GNA11: variants seen among roughly 807,000 people sequenced by gnomAD.
The protein encoded by GNA11 is guanine nucleotide-binding protein subunit alpha-11.
Under a neutral mutation model 38.2 loss-of-function variants are expected in GNA11, and 8 were observed. The observed-to-expected ratio is 0.21, with a 90% CI of 0.12 to 0.38. GNA11 has a LOEUF of 0.38. Among genes scored for constraint, GNA11 ranks in the 10% least tolerant of loss-of-function variants. The pLI is 1.00. For missense variants in GNA11, 268 were observed against 516.3 expected, an observed-to-expected ratio of 0.52 and a Z score of 4.66; for synonymous variants, 211 against 221.4, an observed-to-expected ratio of 0.95 and a Z score of 0.42.
chr19:3,123,887 C>T lies in GNA11; in HGVS notation c.*2708C>T, dbSNP rs2145333330. On this transcript the variant is annotated 3_prime_UTR_variant, in exon 7 of 7. Coordinates refer to ENST00000078429, the MANE Select transcript of GNA11 (RefSeq NM_002067.5). Reference sequence around the variant, plus strand: ...GGGCTGAGGAGCGGCTCAGTGTCACCTCCCACAGCCACCGGCCCTGACCCT... The same window carrying T: ...GGGCTGAGGAGCGGCTCAGTGTCACTTCCCACAGCCACCGGCCCTGACCCT... 1 of 232,598 alleles carries T rather than the reference C, an allele frequency of 4.3e-6. No homozygotes were observed. Among genetic ancestry groups the T allele is most frequent in the Non-Finnish European group, 8.5e-6 (1 of 117,642 alleles). 14.4% of individuals were successfully genotyped at this position (232,598 alleles called of 1,614,324 possible).
At chr19:3,115,191 TC>T in intron 4 of GNA11, 119 bp downstream of exon 4, 1 of 1,209,814 alleles carries the variant, frequency 8.3e-7, no homozygotes, top group Non-Finnish European at 1.2e-6. Flanking sequence ...ATCGCCTGAG[TC>T]CAGGAGTTTG....
intron 3 of GNA11, among the ~76,000 whole-genome samples, chr19:3,114,518 C>T (rs1913856815): frequency 6.6e-6 from 1 of 152,290 alleles, no homozygotes; most frequent in South Asian, 2.1e-4. Flanking sequence ...TCTGCAGCCT[C>T]TGCAGCTGCG....
At chr19:3,106,267 T>C (rs2145311852) in intron 1 of GNA11, among the ~76,000 whole-genome samples, 1 of 152,246 alleles carries the variant, frequency 6.6e-6, no homozygotes, top group Middle Eastern at 3.4e-3. Flanking sequence ...CATTCAGACA[T>C]TGGGTCCACT....
Position 3,116,449 on chromosome 19 carries a change from G to A in GNA11, c.605+1377G>A, listed in dbSNP as rs561801145. Among the ~76,000 whole-genome samples, 486 of 113,320 alleles carry A rather than the reference G, an allele frequency of 4.3e-3. 2 individuals carry two copies. Among genetic ancestry groups the A allele is most frequent in the African/African-American group, 0.015 (453 of 30,568 alleles). The allele number at this position is 113,320 out of a possible 152,430, so 74.3% of individuals were successfully genotyped here. ...CCTCACTCGGCTCCTAGTGGCGGCC[G>A]CATCCTTGGCATCCTTGGCATCCTT... On this transcript the variant is annotated intron_variant, in intron 4 of 6. Transcript: ENST00000078429.
chr19:3,101,802 AATT>A (rs1181268070), intron 1 of GNA11, among the ~76,000 whole-genome samples: 2 of 152,156 alleles, frequency 1.3e-5, no homozygotes, highest in Non-Finnish European at 2.9e-5. Context: ...GGAGCTTAGA[AATT>A]TTGTATGGCC....
intron 3 of GNA11, among the ~76,000 whole-genome samples, chr19:3,114,067 C>T (rs982954486): frequency 1.3e-5 from 2 of 152,132 alleles, no homozygotes; most frequent in Non-Finnish European, 1.5e-5. Flanking sequence ...AGGCAGAGGC[C>T]CCGGCCCTCC....
Position 3,110,342 on chromosome 19 carries a change from G to A in GNA11, c.321+9G>A, listed in dbSNP as rs143987260. ...AGTACGAGCAGAACAAGGTGAGCCC[G>A]CGGGCGCCTGGGGAGGGGAGCGCCT... On this transcript the variant is annotated intron_variant, in intron 2 of 6. Coordinates refer to ENST00000078429, the MANE Select transcript of GNA11 (RefSeq NM_002067.5). This position sits in a 1 kb window ranked among gnomAD's most constrained non-coding sequence, Gnocchi z 5.4. The A allele has an allele frequency of 6.9e-3, 11,093 of 1,603,308 alleles. 50 individuals carry two copies. Among genetic ancestry groups the A allele is most frequent in the Non-Finnish European group, 8.1e-3 (9,460 of 1,171,228 alleles).
chr19:3,098,420 G>A (rs1296654175), intron 1 of GNA11, among the ~76,000 whole-genome samples: 4 of 152,212 alleles, frequency 2.6e-5, no homozygotes, highest in African/African-American at 4.8e-5. Context: ...GGCAGCCCTC[G>A]GCTGTTAGGT....
At chr19:3,098,960 A>T (rs545298142) in intron 1 of GNA11, among the ~76,000 whole-genome samples, 171 of 152,250 alleles carry the variant, frequency 1.1e-3, no homozygotes, top group African/African-American at 3.9e-3. Flanking sequence ...TGGTCCGGGA[A>T]GCTCCGTTCC....
chr19:3,103,547 T>TTTTTTTTTTTTTTC (rs1913559358), intron 1 of GNA11, among the ~76,000 whole-genome samples: 1 of 127,182 alleles, frequency 7.9e-6, no homozygotes, highest in Non-Finnish European at 1.6e-5. Context: ...TTTTTTTTTT[T>TTTTTTTTTTTTTTC]TTTGAGACAA....
chr19:3,100,642 G>A (rs1485757746), intron 1 of GNA11, among the ~76,000 whole-genome samples: 1 of 152,158 alleles, frequency 6.6e-6, no homozygotes, highest in East Asian at 1.9e-4. Context: ...AGGGGTCTCC[G>A]GGGACAGTGC....
chr19:3,112,236 A>C (rs1327439882), intron 2 of GNA11, among the ~76,000 whole-genome samples: 1 of 152,112 alleles, frequency 6.6e-6, no homozygotes, highest in East Asian at 1.9e-4. Context: ...TCTTTTTCCA[A>C]GTCCCCCTAG....
intron 1 of GNA11, among the ~76,000 whole-genome samples, chr19:3,109,301 G>A (rs972932160): frequency 1.3e-5 from 2 of 152,314 alleles, no homozygotes; most frequent in South Asian, 2.1e-4. Context: ...CAGAATGTGT[G>A]GGGGGCTCAT....
In GNA11 at chr19:3,113,307, G is replaced by GCCCGCCCTCGACC. The variant is rs765768107; in HGVS notation, c.322-23_322-22insCCCGCCCTCGACC. 5 of 1,611,742 alleles carry GCCCGCCCTCGACC rather than the reference G, an allele frequency of 3.1e-6. No individual in the cohort carries two copies. In the East Asian group the frequency reaches 1.1e-4, roughly 36 times the overall value. Reference sequence around the variant, plus strand: ...TGTGTGGCCCCAGCGAGCTCTCGACGTCTCCCCTGCCCGCCCTCGCAGGCC... The same window carrying GCCCGCCCTCGACC: ...TGTGTGGCCCCAGCGAGCTCTCGACGCCCGCCCTCGACCTCTCCCCTGCCCGCCCTCGCAGGCC... On this transcript the variant is annotated intron_variant, in intron 2 of 6. Coordinates refer to ENST00000078429, the MANE Select transcript of GNA11 (RefSeq NM_002067.5).
rs1007967128 is a variant in GNA11 at position 3,119,042 on chromosome 19, T to A, written c.724T>A (p.Ser242Thr). ...CGAATACGACCAAGTCCTGGTGGAG[T>A]CGGACAACGAGGTGGGCCCTGCCCT... ...LSEYDQVLVE[S>T]DNENRMEESK... Residue 242 changes from serine (S) to threonine (T), a missense_variant, in exon 5 of 7, where the codon TCG (serine) becomes ACG (threonine). By Grantham distance (58) the Ser-to-Thr change is moderately conservative (BLOSUM62 1). This residue lies in a region of GNA11 where 92 missense variants were observed against 166.7 expected (regional missense o/e 0.55). Coordinates refer to ENST00000078429, the MANE Select transcript of GNA11 (RefSeq NM_002067.5). The surrounding 1 kb of genome is among the most constrained non-coding windows in gnomAD (Gnocchi z 4.6). 1 of 1,613,394 alleles carries A rather than the reference T, an allele frequency of 6.2e-7. No individual in the cohort carries two copies. The highest frequency in any genetic ancestry group is 8.5e-7 in the Non-Finnish European group (1 of 1,179,842).
chr19:3,099,389 G>T (rs1337566654), intron 1 of GNA11, among the ~76,000 whole-genome samples: 1 of 152,208 alleles, frequency 6.6e-6, no homozygotes, highest in Non-Finnish European at 1.5e-5. Flanking sequence ...GGGGCGGCCA[G>T]GGGCTCTGGG....
chr19:3,104,660 G>A (rs572633542), intron 1 of GNA11, among the ~76,000 whole-genome samples: 1 of 152,176 alleles, frequency 6.6e-6, no homozygotes, highest in African/African-American at 2.4e-5. Flanking sequence ...CATTTGGTTC[G>A]CTCAGGAAAC....
chr19:3,118,630 A>G (rs578245382), intron 4 of GNA11: 1 of 369,768 alleles, frequency 2.7e-6, no homozygotes, highest in Admixed American at 4.2e-5. Context: ...TTCCCGCAGC[A>G]GCTGGCGCCC....
At chr19:3,098,793 A>G (rs1355643343) in intron 1 of GNA11, among the ~76,000 whole-genome samples, 1 of 152,058 alleles carries the variant, frequency 6.6e-6, no homozygotes, top group Non-Finnish European at 1.5e-5. Context: ...GGGAGCAGGA[A>G]GCGCCCTTGG....
Sources: gnomAD v4.1 joint callset for allele counts (sites outside exome capture counted in the v4.1 genomes callset) on GRCh38, gnomAD v4.1.1 for gene constraint, gnomAD v4.1.1 regional missense constraint, Gnocchi (gnomAD v3.1) non-coding constraint, MANE v1.5 for transcripts, NCBI Gene and HGNC (gene_info 2026-07-23, HGNC 2026-07-21) for gene names.